The following PPFIA2 variants were observed in gnomAD, a reference collection of about 807,000 sequenced individuals.
PPFIA2 encodes the protein liprin-alpha-2.
In PPFIA2, 46 loss-of-function variants were observed where a neutral mutation model predicts 175.5. The ratio of observed to expected loss-of-function variants is 0.26; its 90% CI spans 0.21 to 0.34. The LOEUF is 0.34. Ranked by LOEUF, PPFIA2 falls within the 10% of genes least tolerant of loss-of-function variation. The pLI is 1.00. For missense variants in PPFIA2, 1,179 were observed against 1,506.1 expected, an observed-to-expected ratio of 0.78 and a Z score of 3.60; for synonymous variants, 568 against 511.4, an observed-to-expected ratio of 1.11 and a Z score of -1.49.
At chr12:81,564,931 G>A (rs2070966520) in intron 4 of PPFIA2, among the ~76,000 whole-genome samples, 1 of 152,132 alleles carries the variant, frequency 6.6e-6, no homozygotes, top group African/African-American at 2.4e-5. Flanking sequence ...ACAAGTGGCT[G>A]ACCTGCAAGG....
chr12:81,647,545 A>C (rs1004910840), intron 4 of PPFIA2, among the ~76,000 whole-genome samples: 1 of 151,712 alleles, frequency 6.6e-6, no homozygotes, highest in Non-Finnish European at 1.5e-5. Flanking sequence ...GCAGATCACG[A>C]GGTCAGGAGA....
intron 11 of PPFIA2, among the ~76,000 whole-genome samples, chr12:81,371,800 G>T (rs949482837): frequency 1.3e-5 from 2 of 151,572 alleles, no homozygotes; most frequent in African/African-American, 4.8e-5. Flanking sequence ...TTGGTTAATT[G>T]CGTATAAACT....
intron 3 of PPFIA2, among the ~76,000 whole-genome samples, chr12:81,746,795 T>C (rs1267492894): frequency 7.0e-6 from 1 of 143,302 alleles, no homozygotes; most frequent in East Asian, 2.1e-4. Flanking sequence ...CTGGAGAATG[T>C]AAGTAAATGA....
chr12:81,643,950 C>T (rs1376732444), intron 4 of PPFIA2, among the ~76,000 whole-genome samples: 1 of 151,728 alleles, frequency 6.6e-6, no homozygotes, highest in African/African-American at 2.4e-5. Context: ...AAACTTTTCC[C>T]CAATTTTCGA....
chr12:81,429,107 C>T (rs370285053), intron 7 of PPFIA2, among the ~76,000 whole-genome samples: 1 of 151,940 alleles, frequency 6.6e-6, no homozygotes, highest in African/African-American at 2.4e-5. Context: ...TTAAAATAAG[C>T]TAATCAGTGG....
intron 3 of PPFIA2, among the ~76,000 whole-genome samples, chr12:81,680,234 C>A (rs2073360192): frequency 6.6e-6 from 1 of 151,906 alleles, no homozygotes; most frequent in Non-Finnish European, 1.5e-5. Flanking sequence ...TCATTTGTAT[C>A]TAATAGATAA....
intron 4 of PPFIA2, among the ~76,000 whole-genome samples, chr12:81,543,769 T>A (rs2066569371): frequency 1.3e-5 from 2 of 152,128 alleles, no homozygotes; most frequent in Admixed American, 6.6e-5. Context: ...AACAGTGATA[T>A]GTAATATTGA....
At chr12:81,300,197 T>C (rs970338198) in intron 22 of PPFIA2, among the ~76,000 whole-genome samples, 2 of 152,214 alleles carry the variant, frequency 1.3e-5, no homozygotes, top group Non-Finnish European at 2.9e-5. Flanking sequence ...ATTGTTAAGA[T>C]AGTAGCTATG....
chr12:81,402,524 T>C (rs2042256384), intron 8 of PPFIA2, among the ~76,000 whole-genome samples: 1 of 152,092 alleles, frequency 6.6e-6, no homozygotes, highest in Non-Finnish European at 1.5e-5. Context: ...ATAATCAGGA[T>C]ACTGTTTTAT....
intron 22 of PPFIA2, among the ~76,000 whole-genome samples, chr12:81,313,810 C>T (rs2051592086): frequency 1.3e-5 from 2 of 152,040 alleles, no homozygotes; most frequent in Middle Eastern, 6.8e-3. Flanking sequence ...GGAATCACTT[C>T]CCTATAAAAC....
At chr12:81,402,394 T>A (rs1196413601) in intron 8 of PPFIA2, among the ~76,000 whole-genome samples, 1 of 152,156 alleles carries the variant, frequency 6.6e-6, no homozygotes, top group Non-Finnish European at 1.5e-5. Flanking sequence ...TGACAACTTG[T>A]TTTATGGCAT....
At chr12:81,646,180 G>A (rs187034056) in intron 4 of PPFIA2, among the ~76,000 whole-genome samples, 4 of 152,278 alleles carry the variant, frequency 2.6e-5, no homozygotes, top group South Asian at 2.1e-4. Flanking sequence ...ACTGAGGGAG[G>A]AGTAAGACAC....
intron 4 of PPFIA2, among the ~76,000 whole-genome samples, chr12:81,642,577 A>C (rs1257552699): frequency 6.9e-6 from 1 of 144,736 alleles, no homozygotes; most frequent in Non-Finnish European, 1.5e-5. Context: ...CCTTATTATA[A>C]AAGTATAATA....
chr12:81,488,491 T>C (rs2059085063), intron 4 of PPFIA2, among the ~76,000 whole-genome samples: 1 of 151,608 alleles, frequency 6.6e-6, no homozygotes, highest in Admixed American at 6.6e-5. Flanking sequence ...TCTCTTTCTG[T>C]CACCATATCC....
intron 8 of PPFIA2, among the ~76,000 whole-genome samples, chr12:81,398,587 T>C (rs1298439707): frequency 6.6e-6 from 1 of 152,058 alleles, no homozygotes; most frequent in East Asian, 1.9e-4. Context: ...AGGGTTGTTG[T>C]TACAGAGATC....
At chr12:81,284,943 A>G (rs191644767) in intron 24 of PPFIA2, among the ~76,000 whole-genome samples, 1 of 152,268 alleles carries the variant, frequency 6.6e-6, no homozygotes, top group East Asian at 1.9e-4. Context: ...AATAAAATGT[A>G]TTTTTTAGCC....
chr12:81,720,366 T>A lies in PPFIA2; in HGVS notation c.249+33607A>T, dbSNP rs559212702. Reference sequence around the variant, plus strand: ...TTTGGATCTGCATGTCAAATGCACATACTAACTTCATTCTTGGATAGCCAA... The same window carrying A: ...TTTGGATCTGCATGTCAAATGCACAAACTAACTTCATTCTTGGATAGCCAA... On this transcript the variant is annotated intron_variant, in intron 3 of 32. Transcript: ENST00000549396. Among the ~76,000 whole-genome samples, 4 of 151,614 alleles carry A rather than the reference T, an allele frequency of 2.6e-5. No homozygotes were observed. In the South Asian group the frequency reaches 8.3e-4, roughly 31 times the overall value.
At chr12:81,267,406 C>G (rs539759285) in intron 29 of PPFIA2, among the ~76,000 whole-genome samples, 1 of 152,144 alleles carries the variant, frequency 6.6e-6, no homozygotes, top group Non-Finnish European at 1.5e-5. Flanking sequence ...CAATGATTAT[C>G]ATTTGAGGAA....
chr12:81,337,557 A>G (rs535255377), intron 21 of PPFIA2, among the ~76,000 whole-genome samples: 48 of 152,308 alleles, frequency 3.2e-4, no homozygotes, highest in African/African-American at 1.1e-3. Flanking sequence ...TGATTTTGAC[A>G]GAATATTGTT....
Sources: allele counts gnomAD v4.1 joint callset (sites outside exome capture counted in the v4.1 genomes callset), GRCh38; gene constraint gnomAD v4.1.1; transcripts MANE v1.5; gene names NCBI Gene and HGNC (gene_info 2026-07-23, HGNC 2026-07-21).